The following BACH2 variants were observed in gnomAD, a reference collection of about 807,000 sequenced individuals.
BACH2 encodes transcription regulator protein BACH2.
Under a neutral mutation model 61.8 loss-of-function variants are expected in BACH2, and 5 were observed. The observed-to-expected ratio is 0.08, with a 90% CI of 0.04 to 0.17. BACH2 has a LOEUF of 0.17. BACH2 is among the 10% of genes least tolerant of loss of function. The pLI is 1.00. For synonymous variants in BACH2, 446 were observed against 440.1 expected (o/e 1.01, Z -0.17); for missense variants, 824 against 1,091.1 (o/e 0.76, Z 3.45).
chr6:89,949,645 G>C (rs1030423021), intron 7 of BACH2, among the ~76,000 whole-genome samples: 4 of 152,178 alleles, frequency 2.6e-5, no homozygotes, highest in African/African-American at 9.7e-5. Context: ...CCTAGCATTT[G>C]AGGGAGCTTG....
chr6:90,104,292 C>T (rs374198504), intron 4 of BACH2: 1 of 152,314 alleles, frequency 6.6e-6, no homozygotes, highest in African/African-American at 2.4e-5. Flanking sequence ...GAAGGAGAGG[C>T]TGAACCAACA....
chr6:90,285,607 A>G (rs1771996237), intron 1 of BACH2, among the ~76,000 whole-genome samples: 1 of 152,174 alleles, frequency 6.6e-6, no homozygotes. Context: ...GTCCCTACAA[A>G]GGTAGAAATT....
At chr6:89,959,097 GCACACACACACACACA>G (rs60175244) in intron 6 of BACH2, among the ~76,000 whole-genome samples, 2,380 of 134,478 alleles carry the variant, frequency 0.018, 23 homozygotes, top group Non-Finnish European at 0.02. Flanking sequence ...ATGCACAAGT[GCACACACACACACACA>G]CACACACACA....
At chr6:89,981,172 C>T (rs1203209562) in intron 6 of BACH2, among the ~76,000 whole-genome samples, 1 of 151,632 alleles carries the variant, frequency 6.6e-6, no homozygotes, top group Non-Finnish European at 1.5e-5. Flanking sequence ...CGCTCTGTCG[C>T]CCAGGCTGGA....
chr6:90,039,118 C>T (rs1162750483), intron 5 of BACH2, among the ~76,000 whole-genome samples: 1 of 151,688 alleles, frequency 6.6e-6, no homozygotes, highest in Admixed American at 6.6e-5. Context: ...TTTCTTCATT[C>T]TTGTTTTATG....
rs1772675219 is a variant in BACH2 at position 89,931,954 on chromosome 6, TATA to T, written c.*451_*453del. 2 of 147,488 alleles carry T rather than the reference TATA, an allele frequency of 1.4e-5. No individual in the cohort carries two copies. Among genetic ancestry groups the T allele is most frequent in the Non-Finnish European group, 3.0e-5 (2 of 67,072 alleles). The allele number at this position is 147,488 out of a possible 1,614,324, so 9.1% of individuals were successfully genotyped here. A position where few individuals can be genotyped will look rare whatever the true frequency, so the allele number is the denominator to read the frequency against. ...ATATGGATATATATATATATATATA[TATA>T]TTTTATATATATATTATATATAATA... On this transcript the variant is annotated 3_prime_UTR_variant, in exon 9 of 9. Coordinates refer to ENST00000257749, the MANE Select transcript of BACH2 (RefSeq NM_021813.4).
At chr6:90,169,639 T>C (rs1262184387) in intron 4 of BACH2, among the ~76,000 whole-genome samples, 2 of 152,216 alleles carry the variant, frequency 1.3e-5, no homozygotes, top group South Asian at 2.1e-4. Flanking sequence ...AGAGCTTTAG[T>C]CTCTGGATTA....
Position 89,970,554 on chromosome 6 carries a change from T to C in BACH2, c.244-18692A>G, listed in dbSNP as rs554955238. Among the ~76,000 whole-genome samples the C allele has an allele frequency of 3.9e-5, 6 of 152,380 alleles. No homozygotes were observed. In the South Asian group the frequency reaches 8.3e-4, roughly 21 times the overall value. On this transcript the variant is annotated intron_variant, in intron 6 of 8. Coordinates refer to ENST00000257749, the MANE Select transcript of BACH2 (RefSeq NM_021813.4). ...ACATAATATCAGGTGTTTTTTATTA[T>C]AATGTTTGTGTGTATGTGTGTTTTT...
chr6:90,190,556 A>T (rs1220300791), intron 4 of BACH2, among the ~76,000 whole-genome samples: 1 of 152,254 alleles, frequency 6.6e-6, no homozygotes, highest in Non-Finnish European at 1.5e-5. Flanking sequence ...AAAGGAAACA[A>T]AACCCATTTA....
At chr6:90,049,065 CTA>C (rs1191800044) in intron 5 of BACH2, among the ~76,000 whole-genome samples, 1 of 152,138 alleles carries the variant, frequency 6.6e-6, no homozygotes, top group Non-Finnish European at 1.5e-5. Context: ...CTAGTTGCAG[CTA>C]TGAGGCCATC....
intron 3 of BACH2, among the ~76,000 whole-genome samples, chr6:90,252,256 G>C (rs1383994069): frequency 6.6e-6 from 1 of 152,092 alleles, no homozygotes; most frequent in Non-Finnish European, 1.5e-5. Context: ...ATGAAGACTT[G>C]ATAATATCAC....
Position 89,932,582 on chromosome 6 carries a change from G to C in BACH2, c.2352C>G (p.Ser784Arg). ...CAGAGGTACAATTCTCGGAGGTGTT[G>C]CTGGGTGCCCAGGGGGGTCCGGGGG... is the stretch of plus-strand genomic sequence containing the variant. ...AAPPGPPWAP[S>R]NTSENCTSGR... Residue 784 changes from serine to arginine, a missense_variant, in exon 9 of 9, where the codon AGC becomes AGG. Physicochemically the swap from Ser to Arg is moderately radical, Grantham distance 110. This residue lies in a region of BACH2 where 135 missense variants were observed against 142.7 expected (regional missense o/e 0.95). Transcript: ENST00000257749. The C allele has an allele frequency of 1.9e-6, 3 of 1,614,120 alleles. No individual in the cohort carries two copies. The highest frequency in any genetic ancestry group is 2.5e-6 in the Non-Finnish European group (3 of 1,180,022).
At chr6:90,078,392 C>T (rs1160046039) in intron 5 of BACH2, among the ~76,000 whole-genome samples, 1 of 152,072 alleles carries the variant, frequency 6.6e-6, no homozygotes, top group African/African-American at 2.4e-5. Context: ...GAAAGAGAGG[C>T]TTACATTGTG....
intron 5 of BACH2, among the ~76,000 whole-genome samples, chr6:90,029,681 G>T (rs957204046): frequency 2.0e-5 from 3 of 152,186 alleles, no homozygotes; most frequent in Admixed American, 1.3e-4. Flanking sequence ...GACTAAAAAA[G>T]ACTTTTCCTA....
At position 90,008,933 on chromosome 6, in the gene BACH2, T is replaced by A; in HGVS notation, c.-12-77A>T. The A allele has an allele frequency of 6.6e-7, 1 of 1,515,318 alleles. No homozygotes were observed. The highest frequency in any genetic ancestry group is 8.9e-7 in the Non-Finnish European group (1 of 1,125,104). The allele number at this position is 1,515,318 out of a possible 1,614,324, so 93.9% of individuals were successfully genotyped here. ...CAGCTGTAGGATCAGAGAGAGGAGG[T>A]GAGAAAGAACATCATGGTTCCTGTG... On this transcript the variant is annotated intron_variant, in intron 5 of 8. Transcript: ENST00000257749. The surrounding 1 kb of genome is among the most constrained non-coding windows in gnomAD (Gnocchi z 4.1).
chr6:89,936,342 A>G (rs892418990), intron 8 of BACH2, among the ~76,000 whole-genome samples: 1 of 152,134 alleles, frequency 6.6e-6, no homozygotes, highest in African/African-American at 2.4e-5. Flanking sequence ...GGGTCTTGCT[A>G]TATTGCCCAG....
intron 4 of BACH2, among the ~76,000 whole-genome samples, chr6:90,194,373 G>C (rs1420859230): frequency 2.0e-5 from 3 of 151,430 alleles, no homozygotes; most frequent in Non-Finnish European, 4.4e-5. Context: ...AACTATCTTC[G>C]GTAAGACTTA....
chr6:90,033,549 G>A (rs988049599), intron 5 of BACH2, among the ~76,000 whole-genome samples: 90 of 152,030 alleles, frequency 5.9e-4, no homozygotes, highest in African/African-American at 1.9e-3. Context: ...ATCTTCCTGG[G>A]AAAATGGAGG....
At chr6:90,293,379 CTG>C (rs140033381) in intron 1 of BACH2, among the ~76,000 whole-genome samples, 1,753 of 152,288 alleles carry the variant, frequency 0.012, 46 homozygotes, top group African/African-American at 0.04. Context: ...TTTGTTAAGA[CTG>C]GATCCACACC....
Sources: allele counts gnomAD v4.1 joint callset (sites outside exome capture counted in the v4.1 genomes callset), GRCh38; gene constraint gnomAD v4.1.1; regional missense constraint gnomAD v4.1.1; non-coding constraint Gnocchi (gnomAD v3.1); transcripts MANE v1.5; gene names NCBI Gene and HGNC (gene_info 2026-07-23, HGNC 2026-07-21).